The following PTPRN2 variants were observed in gnomAD, a reference collection of about 807,000 sequenced individuals.
The protein encoded by PTPRN2 is receptor-type tyrosine-protein phosphatase N2.
Under a neutral mutation model 118.8 loss-of-function variants are expected in PTPRN2, and 74 were observed. That is an observed-to-expected ratio of 0.62 (90% CI 0.52 to 0.76). The LOEUF is 0.76. Among genes scored for constraint, PTPRN2 ranks in the 30% least tolerant of loss-of-function variants. The probability of loss-of-function intolerance (pLI) is 0.00; values close to 1 mark genes in which losing one functional copy is unlikely to be tolerated. For synonymous variants in PTPRN2, 641 were observed against 608.0 expected, an observed-to-expected ratio of 1.05 and a Z score of -0.80; for missense variants, 1,481 against 1,394.4, an observed-to-expected ratio of 1.06 and a Z score of -0.99.
chr7:157,846,465 C>A (rs1268059008), intron 12 of PTPRN2, among the ~76,000 whole-genome samples: 2 of 151,896 alleles, frequency 1.3e-5, no homozygotes, highest in African/African-American at 4.8e-5. Flanking sequence ...CTTTCCCCTC[C>A]CCTGGGTGAT....
At chr7:158,002,361 C>G (rs1805327132) in intron 11 of PTPRN2, among the ~76,000 whole-genome samples, 1 of 152,088 alleles carries the variant, frequency 6.6e-6, no homozygotes, top group Non-Finnish European at 1.5e-5. Context: ...AAAATTAGTG[C>G]CACAGAGTTT....
rs2150666374 is a variant in PTPRN2 at position 157,629,884 on chromosome 7, A to T, written c.2197-8375T>A. Among the ~76,000 whole-genome samples the T allele has an allele frequency of 6.6e-6, 1 of 152,348 alleles. No individual in the cohort carries two copies. The highest frequency in any genetic ancestry group is 1.9e-4 in the East Asian group (1 of 5,196). On this transcript the variant is annotated intron_variant, in intron 14 of 22. Coordinates refer to ENST00000389418, the MANE Select transcript of PTPRN2 (RefSeq NM_002847.5). The surrounding 1 kb of genome is among the most constrained non-coding windows in gnomAD (Gnocchi z 4.4). The stretch of plus-strand genomic sequence containing the variant: ...TTTACATTTTCCTTCTTGTGACGAG[A>T]CCACAGGTTTGTGTGTTGAAGTCAC...
intron 5 of PTPRN2, among the ~76,000 whole-genome samples, chr7:158,185,357 A>G (rs116112670): frequency 0.01 from 1,557 of 152,290 alleles, 30 homozygotes; most frequent in African/African-American, 0.035. Flanking sequence ...TATAAACATC[A>G]CTTAGCTTAG....
chr7:157,890,663 A>G (rs1584960203), intron 12 of PTPRN2, among the ~76,000 whole-genome samples: 1 of 152,326 alleles, frequency 6.6e-6, no homozygotes, highest in Non-Finnish European at 1.5e-5. Context: ...ACAAAATAAT[A>G]GGACTTTAGA....
rs1412304867 is a variant in PTPRN2 at position 157,560,490 on chromosome 7, C to G, written c.2902+8412G>C. On this transcript the variant is annotated intron_variant, in intron 21 of 22. Coordinates refer to ENST00000389418, the MANE Select transcript of PTPRN2 (RefSeq NM_002847.5). This position sits in a 1 kb window ranked among gnomAD's most constrained non-coding sequence, Gnocchi z 6.7. ...GCCCCCGGACCACTGCTCCAACCAG[C>G]GTTCGTCGTCAGCCCCTTACACGGG... Among the ~76,000 whole-genome samples the G allele has an allele frequency of 6.6e-6, 1 of 152,172 alleles. No individual in the cohort carries two copies. Among genetic ancestry groups the G allele is most frequent in the Non-Finnish European group, 1.5e-5 (1 of 68,022 alleles).
At chr7:158,116,045 C>T (rs571592471) in intron 9 of PTPRN2, among the ~76,000 whole-genome samples, 9 of 152,314 alleles carry the variant, frequency 5.9e-5, no homozygotes, top group Non-Finnish European at 8.8e-5. Context: ...GAAGTAAGGA[C>T]CTCACCCACG....
At chr7:157,789,654 T>A (rs577630658) in intron 12 of PTPRN2, among the ~76,000 whole-genome samples, 2 of 114,912 alleles carry the variant, frequency 1.7e-5, no homozygotes, top group East Asian at 4.2e-4. Context: ...GTGGGTGTGA[T>A]ATGTGTGTGT....
chr7:157,982,625 A>G (rs1022154198), intron 11 of PTPRN2, among the ~76,000 whole-genome samples: 5 of 142,618 alleles, frequency 3.5e-5, no homozygotes, highest in African/African-American at 1.3e-4. Flanking sequence ...CTAAACCCCG[A>G]GTCACAGAGA....
chr7:158,001,215 AG>A (rs1805229484), intron 11 of PTPRN2, among the ~76,000 whole-genome samples: 1 of 31,394 alleles, frequency 3.2e-5, no homozygotes, highest in Admixed American at 4.8e-4. Context: ...GGCGGGGTGA[AG>A]GGTGGGGGCT....
chr7:158,272,786 T>C (rs915093723), intron 3 of PTPRN2, among the ~76,000 whole-genome samples: 2 of 151,656 alleles, frequency 1.3e-5, no homozygotes, highest in Non-Finnish European at 2.9e-5. Flanking sequence ...GCCTCATAGG[T>C]GTGAGGGCCA....
At chr7:158,562,346 G>A (rs1827441539) in intron 1 of PTPRN2, among the ~76,000 whole-genome samples, 1 of 152,128 alleles carries the variant, frequency 6.6e-6, no homozygotes, top group South Asian at 2.1e-4. Context: ...TTGAGACCTT[G>A]TCACCTCCCA....
chr7:158,481,173 C>T (rs1037225950), intron 2 of PTPRN2, among the ~76,000 whole-genome samples: 6 of 152,224 alleles, frequency 3.9e-5, no homozygotes, highest in African/African-American at 9.7e-5. Context: ...CTTGTTCATC[C>T]GAGGGCCCTT....
chr7:157,589,432 A>T (rs1334104327), intron 17 of PTPRN2, among the ~76,000 whole-genome samples: 4 of 152,218 alleles, frequency 2.6e-5, no homozygotes, highest in African/African-American at 9.6e-5. Flanking sequence ...GCGTCTTTGC[A>T]GATTAAAATA....
intron 14 of PTPRN2, among the ~76,000 whole-genome samples, chr7:157,645,253 A>G (rs1186640811): frequency 6.6e-6 from 1 of 152,246 alleles, no homozygotes; most frequent in African/African-American, 2.4e-5. Context: ...ACGGCTCCCA[A>G]ACATGAGAAA....
In PTPRN2 at chr7:158,526,145, TG is replaced by T. The variant is rs1048905708; in HGVS notation, c.113-36361del. Among the ~76,000 whole-genome samples the T allele has an allele frequency of 6.6e-6, 1 of 152,112 alleles. No homozygotes were observed. Among genetic ancestry groups the T allele is most frequent in the Admixed American group, 6.5e-5 (1 of 15,270 alleles). ...CTACAGCTTCTGAAAGGGCCCGCTC[TG>T]GGGGGAGCCACATCAGGCAGACACA... On this transcript the variant is annotated intron_variant, in intron 1 of 22. Transcript: ENST00000389418. The surrounding 1 kb of genome is among the most constrained non-coding windows in gnomAD (Gnocchi z 5.2).
intron 1 of PTPRN2, among the ~76,000 whole-genome samples, chr7:158,497,937 G>A (rs1345768694): frequency 1.3e-5 from 2 of 152,208 alleles, no homozygotes; most frequent in African/African-American, 2.4e-5. Flanking sequence ...GAGCTGGGAG[G>A]GCACACACAA....
chr7:158,139,610 C>G (rs1329572963), intron 6 of PTPRN2, among the ~76,000 whole-genome samples: 1 of 151,782 alleles, frequency 6.6e-6, no homozygotes, highest in Non-Finnish European at 1.5e-5. Flanking sequence ...TAATAAAATG[C>G]AAGGAGAACC....
At position 157,557,993 on chromosome 7, in the gene PTPRN2, G is replaced by A. The variant is rs1416296874; in HGVS notation, c.2903-8974C>T. 2.0e-5 allele frequency among the ~76,000 whole-genome samples: 3 copies of A among 150,450 alleles called. No individual in the cohort carries two copies. The East Asian group carries it at 5.8e-4, about 29-fold the overall frequency. ...CCTGGTAAGTTTCTATCGACTGCTGGACCATCCCATAATACTGTTGAGGTG... is the reference window on the plus strand; with the variant it reads ...CCTGGTAAGTTTCTATCGACTGCTGAACCATCCCATAATACTGTTGAGGTG... On this transcript the variant is annotated intron_variant, in intron 21 of 22. Transcript: ENST00000389418.
intron 21 of PTPRN2, among the ~76,000 whole-genome samples, chr7:157,558,408 G>A (rs1799015033): frequency 6.6e-6 from 1 of 152,228 alleles, no homozygotes; most frequent in South Asian, 2.1e-4. Flanking sequence ...ACCCACATGG[G>A]GGCCTCCACG....
Sources: gnomAD v4.1 joint callset for allele counts (sites outside exome capture counted in the v4.1 genomes callset) on GRCh38, gnomAD v4.1.1 for gene constraint, Gnocchi (gnomAD v3.1) non-coding constraint, MANE v1.5 for transcripts, NCBI Gene and HGNC (gene_info 2026-07-23, HGNC 2026-07-21) for gene names.